GPHN: variants seen among roughly 807,000 people sequenced by gnomAD.
GPHN encodes the protein gephyrin.
A neutral mutation model predicts 95.5 loss-of-function variants in GPHN; 17 were observed. The observed-to-expected ratio is 0.18, with a 90% confidence interval of 0.12 to 0.27. GPHN has a LOEUF of 0.27. GPHN is among the 10% of genes least tolerant of loss of function. GPHN has a pLI of 1.00. For synonymous variants in GPHN, 320 were observed against 322.5 expected (o/e 0.99, Z 0.08); for missense variants, 660 against 978.1 (o/e 0.67, Z 4.34).
At chr14:67,392,903 G>A in the GPHN span, 108 of 1,453,234 alleles carry the variant, frequency 7.4e-5, no homozygotes, top group East Asian at 2.3e-3. Flanking sequence ...CGTCCTTGGG[G>A]TGTGTGGCCA....
intron 1 of GPHN, among the ~76,000 whole-genome samples, chr14:66,638,017 AT>A (rs1370048251): frequency 6.6e-6 from 1 of 152,112 alleles, no homozygotes; most frequent in Non-Finnish European, 1.5e-5. Context: ...ATATATATAT[AT>A]TTAAATTTTA....
chr14:67,598,190 G>A, the GPHN span, among the ~76,000 whole-genome samples: 99 of 152,256 alleles, frequency 6.5e-4, 1 homozygote, highest in Admixed American at 2.2e-3. Flanking sequence ...GTTTTGAATA[G>A]GAAAGGTAAG....
chr14:67,514,825 C>T, the GPHN span, among the ~76,000 whole-genome samples: 1 of 152,206 alleles, frequency 6.6e-6, no homozygotes, highest in Non-Finnish European at 1.5e-5. Flanking sequence ...AACACGCCCC[C>T]CTGTGCGCCC....
chr14:67,712,757 G>GA, the GPHN span, among the ~76,000 whole-genome samples: 1 of 152,064 alleles, frequency 6.6e-6, no homozygotes, highest in Admixed American at 6.5e-5. Flanking sequence ...TTGTGATAGG[G>GA]AAAAAAAGAA....
the GPHN span, among the ~76,000 whole-genome samples, chr14:67,306,367 CAG>C: frequency 2.0e-5 from 3 of 151,674 alleles, no homozygotes; most frequent in Non-Finnish European, 4.4e-5. Context: ...TTTTTTGAGA[CAG>C]AGTCTTGCTC....
the GPHN span, among the ~76,000 whole-genome samples, chr14:67,666,840 T>A: frequency 6.6e-6 from 1 of 152,242 alleles, no homozygotes; most frequent in Non-Finnish European, 1.5e-5. Flanking sequence ...ATTAAACAAC[T>A]GTATACTGTA....
At chr14:67,698,410 A>T in the GPHN span, among the ~76,000 whole-genome samples, 2 of 152,132 alleles carry the variant, frequency 1.3e-5, no homozygotes, top group Admixed American at 1.3e-4. Context: ...GGCTGCAGTG[A>T]GCTAGAATTG....
intron 4 of GPHN, among the ~76,000 whole-genome samples, chr14:66,844,456 G>C (rs570625713): frequency 1.8e-4 from 28 of 152,216 alleles, no homozygotes; most frequent in Middle Eastern, 6.8e-3. Flanking sequence ...GGGTGTGTAT[G>C]TGTGCATGCA....
At chr14:66,564,419 A>G (rs1464498094) in intron 1 of GPHN, among the ~76,000 whole-genome samples, 1 of 152,198 alleles carries the variant, frequency 6.6e-6, no homozygotes, top group Non-Finnish European at 1.5e-5. Context: ...TCAATATATT[A>G]TCTTTTACTT....
the GPHN span, among the ~76,000 whole-genome samples, chr14:67,659,482 A>G: frequency 6.6e-6 from 1 of 151,296 alleles, no homozygotes; most frequent in African/African-American, 2.4e-5. Context: ...TTTTTTTTTT[A>G]TTATAAGACT....
chr14:67,690,257 G>T, the GPHN span: 1 of 1,614,020 alleles, frequency 6.2e-7, no homozygotes, highest in South Asian at 1.1e-5. Flanking sequence ...ATGTTGGCTA[G>T]CTTGCTGTGA....
At chr14:66,868,402 G>A (rs549256344) in intron 4 of GPHN, among the ~76,000 whole-genome samples, 4 of 151,884 alleles carry the variant, frequency 2.6e-5, no homozygotes, top group South Asian at 2.1e-4. Flanking sequence ...TGTTCTTTAC[G>A]GGTTTTTTTA....
intron 9 of GPHN, among the ~76,000 whole-genome samples, chr14:66,999,803 C>G (rs1014369382): frequency 2.6e-4 from 39 of 151,770 alleles, no homozygotes; most frequent in African/African-American, 8.2e-4. Flanking sequence ...ATACTTTCTT[C>G]TGACAGAAAC....
the GPHN span, chr14:67,383,463 T>C: frequency 6.2e-7 from 1 of 1,611,108 alleles, no homozygotes; most frequent in African/African-American, 1.3e-5. Context: ...CAGAGTCCAA[T>C]TTAAGGAACA....
intron 17 of GPHN, among the ~76,000 whole-genome samples, chr14:67,133,114 G>A (rs960658624): frequency 2.6e-5 from 4 of 152,028 alleles, no homozygotes; most frequent in South Asian, 2.1e-4. Flanking sequence ...GATTCCATAC[G>A]TGAAGTAGAC....
intron 8 of GPHN, among the ~76,000 whole-genome samples, chr14:66,927,376 A>C (rs2066538565): frequency 6.6e-6 from 1 of 151,578 alleles, no homozygotes; most frequent in African/African-American, 2.4e-5. Flanking sequence ...ATATGCTACT[A>C]ATTTTTGTTT....
chr14:67,714,342 GTTGCT>G, the GPHN span, among the ~76,000 whole-genome samples: 2 of 151,986 alleles, frequency 1.3e-5, no homozygotes, highest in African/African-American at 4.8e-5. Context: ...ATCTGATTAT[GTTGCT>G]CTTGGTCTCA....
the GPHN span, among the ~76,000 whole-genome samples, chr14:67,623,216 TCTC>T: frequency 2.6e-5 from 4 of 152,220 alleles, no homozygotes; most frequent in African/African-American, 7.2e-5. Flanking sequence ...TTTTGGCTAA[TCTC>T]CTGGAATATA....
chr14:66,990,858 TAAA>T (rs2071368263), intron 9 of GPHN, among the ~76,000 whole-genome samples: 1 of 151,676 alleles, frequency 6.6e-6, no homozygotes, highest in Non-Finnish European at 1.5e-5. Context: ...TGCTAATAAA[TAAA>T]AATTAAAATA....
Sources: allele counts gnomAD v4.1 joint callset (sites outside exome capture counted in the v4.1 genomes callset), GRCh38; gene constraint gnomAD v4.1.1; transcripts MANE v1.5; gene names NCBI Gene and HGNC (gene_info 2026-07-23, HGNC 2026-07-21).